SEMA4B: variants seen among roughly 807,000 people sequenced by gnomAD.
SEMA4B encodes the protein semaphorin 4B, also known as semaphorin-4B.
SEMA4B carries 55 observed loss-of-function variants against 88.1 expected under a neutral mutation model. The ratio of observed to expected loss-of-function variants is 0.62; its 90% confidence interval spans 0.50 to 0.78. The LOEUF (loss-of-function observed/expected upper bound fraction) is 0.78. Among genes scored for constraint, SEMA4B ranks in the 30% least tolerant of loss-of-function variants. The pLI is 0.00. For missense variants in SEMA4B, 1,062 were observed against 1,111.9 expected (o/e 0.96, Z 0.64); for synonymous variants, 525 against 473.6 (o/e 1.11, Z -1.41).
intron 12 of SEMA4B, among the ~76,000 whole-genome samples, chr15:90,226,364 G>T (rs2352220): frequency 0.52 from 78,842 of 151,842 alleles, 20,844 homozygotes; most frequent in East Asian, 0.81. Flanking sequence ...TATCTTGTTT[G>T]GAGACTCGCT....
At position 90,228,024 on chromosome 15, in the gene SEMA4B, C is replaced by T. The variant is rs116125380; in HGVS notation, c.1895C>T (p.Ser632Leu). 727 of 1,613,902 alleles carry T rather than the reference C, an allele frequency of 4.5e-4. 3 individuals are homozygous for T. The African/African-American group carries it at 6.2e-3, about 14-fold the overall frequency. The change falls in exon 14 of 14, where the codon TCG (serine) becomes TTG (leucine). Residue 632 changes from serine (S) to leucine (L), a missense_variant. Coordinates refer to ENST00000411539, the MANE Select transcript of SEMA4B (RefSeq NM_198925.4). ...WLRNGAPVNA[S>L]ASCHVLPTGD... ...CGCAACGGGGCCCCCGTCAATGCCT[C>T]GGCCTCCTGCCACGTGCTACCCACT...
In SEMA4B at chr15:90,188,016, A is replaced by AAAAAAAAG. The variant is rs1312258737; in HGVS notation, c.-122+2938_-122+2939insAAAAGAAA. 3.9e-3 allele frequency among the ~76,000 whole-genome samples: 582 copies of AAAAAAAAG among 150,396 alleles called. 8 individuals are homozygous for AAAAAAAAG. The highest frequency in any genetic ancestry group is 0.014 in the African/African-American group (553 of 40,224). On this transcript the variant is annotated intron_variant, in intron 1 of 14. Coordinates refer to the SEMA4B transcript ENST00000332496. ...TGAGACTCCATCTCAAAAAAAAAAAAAAAGAAAGAAAAGAAACGTGGGTCA... is the reference window on the plus strand; with the variant it reads ...TGAGACTCCATCTCAAAAAAAAAAAAAAAAAAAGAAAGAAAGAAAAGAAACGTGGGTCA...
At chr15:90,198,244 G>T (rs968209495), upstream of SEMA4B, among the ~76,000 whole-genome samples, 8 of 152,026 alleles carry the variant, frequency 5.3e-5, no homozygotes, top group Admixed American at 5.2e-4. Flanking sequence ...GACCAAAGTT[G>T]ATATAAAAAA....
intron 1 of SEMA4B, chr15:90,206,950 T>G: frequency 3.3e-6 from 2 of 611,294 alleles, no homozygotes; most frequent in Non-Finnish European, 5.9e-6. Flanking sequence ...CAGAGAGAAC[T>G]TCTAATGCAA....
In SEMA4B at chr15:90,187,702, G is replaced by C. The variant is rs146697094; in HGVS notation, c.-122+2621G>C. 4.5e-3 allele frequency among the ~76,000 whole-genome samples: 679 copies of C among 152,268 alleles called. 10 individuals carry two copies. The highest frequency in any genetic ancestry group is 0.016 in the African/African-American group (648 of 41,548). ...TGTTGGAAACAAAGCATAAGGGAGTGAAAGTGTCTAAAGAAAGGTGGGGGC... is the reference window on the plus strand; with the variant it reads ...TGTTGGAAACAAAGCATAAGGGAGTCAAAGTGTCTAAAGAAAGGTGGGGGC... On this transcript the variant is annotated intron_variant, in intron 1 of 14. Transcript: ENST00000332496.
intron 11 of SEMA4B, 100 bp downstream of exon 11, chr15:90,225,497 G>A: frequency 7.5e-7 from 1 of 1,328,376 alleles, no homozygotes; most frequent in Non-Finnish European, 1.1e-6. Context: ...GCCTCAGGAG[G>A]ATGGAAAGAT....
intron 13 of SEMA4B, 123 bp downstream of exon 13, chr15:90,227,765 G>A: frequency 2.7e-6 from 4 of 1,464,194 alleles, no homozygotes; most frequent in Non-Finnish European, 3.7e-6. Context: ...CTGTAAGCAG[G>A]TCCCCAGGAA....
intron 1 of SEMA4B, chr15:90,214,888 A>G (rs1353886943): frequency 1.1e-6 from 1 of 878,754 alleles, no homozygotes. Flanking sequence ...TAATGTTTAT[A>G]TTTCACTACT....
chr15:90,187,549 C>T (rs56273424), intron 1 of SEMA4B, among the ~76,000 whole-genome samples: 27,160 of 152,090 alleles, frequency 0.18, 3,533 homozygotes, highest in East Asian at 0.6. Flanking sequence ...TAATGAGGTC[C>T]TAATAAGAAT....
At position 90,215,654 on chromosome 15, in the gene SEMA4B, A is replaced by G. The variant is rs541996982; in HGVS notation, c.158-1785A>G. 2.0e-5 allele frequency among the ~76,000 whole-genome samples: 3 copies of G among 151,942 alleles called. No homozygotes were observed. The South Asian group carries it at 6.3e-4, about 32-fold the overall frequency. On this transcript the variant is annotated intron_variant, in intron 1 of 13. Coordinates refer to ENST00000411539, the MANE Select transcript of SEMA4B (RefSeq NM_198925.4). The stretch of plus-strand genomic sequence containing the variant: ...TGGCAAAACCCTGTCTCTACTAAAA[A>G]TACAAAAGTTAGCCGGGCATGGTGG...
chr15:90,214,933 C>G, intron 1 of SEMA4B: 1 of 1,250,034 alleles, frequency 8.0e-7, no homozygotes, highest in Non-Finnish European at 1.0e-6. Flanking sequence ...CTTTATGGAA[C>G]CAGGCTGGGG....
chr15:90,223,672 C>T lies in SEMA4B; in HGVS notation c.975C>T (p.Val325=). The T allele has an allele frequency of 6.2e-7, 1 of 1,613,584 alleles. No individual in the cohort carries two copies. The highest frequency in any genetic ancestry group is 1.1e-5 in the South Asian group (1 of 91,044). Residue 325 remains valine (V), a synonymous_variant, in exon 8 of 14, where the codon GTC becomes GTT. Coordinates refer to ENST00000411539, the MANE Select transcript of SEMA4B (RefSeq NM_198925.4). Reference sequence around the variant, plus strand: ...TCCCCTTCAACGTGCTGCAGGATGTCTTCACGCTGAGCCCCAGCCCCCAGG... The same window carrying T: ...TCCCCTTCAACGTGCTGCAGGATGTTTTCACGCTGAGCCCCAGCCCCCAGG... ...DGFPFNVLQD[V]FTLSPSPQDW... is the part of the protein sequence containing the mutation.
intron 1 of SEMA4B, chr15:90,215,093 C>A: frequency 2.7e-6 from 2 of 733,572 alleles, no homozygotes; most frequent in Middle Eastern, 3.1e-4. Context: ...TGAGGGTGGT[C>A]AGGGTGCTGC....
chr15:90,218,130 C>A (rs1016572124), intron 3 of SEMA4B, among the ~76,000 whole-genome samples: 9 of 152,160 alleles, frequency 5.9e-5, no homozygotes, highest in Non-Finnish European at 8.8e-5. Context: ...AGGCACCTGG[C>A]TCATAGATAC....
At chr15:90,187,527 T>C (rs1286890993) in intron 1 of SEMA4B, among the ~76,000 whole-genome samples, 1 of 152,164 alleles carries the variant, frequency 6.6e-6, no homozygotes, top group Admixed American at 6.5e-5. Flanking sequence ...AAGTGAGTAT[T>C]TCACTGCAGC....
chr15:90,207,701 G>A (rs1021153917), intron 1 of SEMA4B, among the ~76,000 whole-genome samples: 8 of 152,186 alleles, frequency 5.3e-5, no homozygotes, highest in Admixed American at 1.3e-4. Flanking sequence ...AAGATGACCC[G>A]GCTCAGCCCT....
At chr15:90,202,172 CT>C (rs1343136679) in intron 1 of SEMA4B, among the ~76,000 whole-genome samples, 4 of 152,268 alleles carry the variant, frequency 2.6e-5, no homozygotes, top group Non-Finnish European at 5.9e-5. Flanking sequence ...GGGCCGGGAG[CT>C]GTGGTGGGCG....
At chr15:90,209,326 GGATCAGCT>G (rs1961142912) in intron 1 of SEMA4B, among the ~76,000 whole-genome samples, 1 of 152,034 alleles carries the variant, frequency 6.6e-6, no homozygotes, top group Admixed American at 6.6e-5. Context: ...CGAGGCAGGC[GGATCAGCT>G]GAGGTCAGGA....
intron 1 of SEMA4B, among the ~76,000 whole-genome samples, chr15:90,185,903 C>T (rs1053669133): frequency 2.0e-5 from 3 of 148,416 alleles, no homozygotes; most frequent in African/African-American, 7.5e-5. Flanking sequence ...TGAACTCAGG[C>T]CATGGCCGTT....
Sources: gnomAD v4.1 joint callset for allele counts (sites outside exome capture counted in the v4.1 genomes callset) on GRCh38, gnomAD v4.1.1 for gene constraint, MANE v1.5 for transcripts, NCBI Gene and HGNC (gene_info 2026-07-23, HGNC 2026-07-21) for gene names.